The following NARS2 variants were observed in gnomAD, a reference collection of about 807,000 sequenced individuals.
NARS2 encodes asparaginyl-tRNA synthetase 2, mitochondrial.
Under a neutral mutation model 62.9 loss-of-function variants are expected in NARS2, and 60 were observed. The ratio of observed to expected loss-of-function variants is 0.95; its 90% CI spans 0.77 to 1.18. The LOEUF is 1.18. Ranked by LOEUF, NARS2 falls within the 50% of genes most tolerant of loss-of-function variation. The pLI, the probability that NARS2 is intolerant of heterozygous loss-of-function variation, is 0.00. For synonymous variants in NARS2, 196 were observed against 200.0 expected (o/e 0.98, Z 0.17); for missense variants, 619 against 576.4 (o/e 1.07, Z -0.76).
At chr11:78,479,286 A>G (rs889563196) in intron 7 of NARS2, among the ~76,000 whole-genome samples, 21 of 152,182 alleles carry the variant, frequency 1.4e-4, no homozygotes, top group African/African-American at 5.1e-4. Context: ...AAATCAGTAT[A>G]TAAGAACTTA....
chr11:78,574,276 G>A, intron 1 of NARS2, 72 bp downstream of exon 1: 1 of 1,594,508 alleles, frequency 6.3e-7, no homozygotes, highest in African/African-American at 1.3e-5. Flanking sequence ...GACTGTAAAA[G>A]AAAAGCTAGA....
intron 10 of NARS2, among the ~76,000 whole-genome samples, chr11:78,468,411 CTTTT>C (rs112260820): frequency 7.5e-6 from 1 of 132,504 alleles, no homozygotes. Context: ...TGTTGGTCAT[CTTTT>C]TTTTTTTTTT....
At chr11:78,533,901 A>ATGTG (rs1301826483) in intron 5 of NARS2, among the ~76,000 whole-genome samples, 2 of 152,180 alleles carry the variant, frequency 1.3e-5, no homozygotes, top group Non-Finnish European at 2.9e-5. Context: ...ATCATACAAT[A>ATGTG]TGTAGCCTTT....
chr11:78,502,619 T>C (rs191644912), intron 6 of NARS2, among the ~76,000 whole-genome samples: 1 of 152,332 alleles, frequency 6.6e-6, no homozygotes, highest in African/African-American at 2.4e-5. Context: ...GTTCTGGAAC[T>C]AGACAGTGAT....
In NARS2 at chr11:78,574,669, C is replaced by T. The variant is rs1421005615; in HGVS notation, c.-181G>A. ...GACTCCCAGCTCTGTCCCCACAGAACCTCTCCGCTTCCCACTTCCCAACGG... is the reference window on the plus strand; with the variant it reads ...GACTCCCAGCTCTGTCCCCACAGAATCTCTCCGCTTCCCACTTCCCAACGG... On this transcript the variant is annotated 5_prime_UTR_variant, in exon 1 of 14. Transcript: ENST00000281038. 4 of 638,918 alleles carry T rather than the reference C, an allele frequency of 6.3e-6. No individual in the cohort carries two copies. Among genetic ancestry groups the T allele is most frequent in the Non-Finnish European group, 1.0e-5 (4 of 381,044 alleles). The allele number at this position is 638,918 out of a possible 1,614,324, so 39.6% of individuals were successfully genotyped here. A position where few individuals can be genotyped will look rare whatever the true frequency, so the allele number is the denominator to read the frequency against.
At chr11:78,508,906 G>A (rs973131739) in intron 6 of NARS2, among the ~76,000 whole-genome samples, 17 of 151,996 alleles carry the variant, frequency 1.1e-4, no homozygotes, top group Non-Finnish European at 1.6e-4. Flanking sequence ...CTTGAGGCAC[G>A]GAGTTTGAGA....
At chr11:78,538,620 T>G (rs1274989790) in intron 5 of NARS2, among the ~76,000 whole-genome samples, 1 of 151,926 alleles carries the variant, frequency 6.6e-6, no homozygotes, top group Non-Finnish European at 1.5e-5. Flanking sequence ...GAGAGATCAG[T>G]ACGTGGGAAG....
At chr11:78,552,508 T>C (rs1186994953) in intron 5 of NARS2, among the ~76,000 whole-genome samples, 1 of 152,094 alleles carries the variant, frequency 6.6e-6, no homozygotes, top group African/African-American at 2.4e-5. Context: ...GGCCCCAAAA[T>C]CACTAAGCTA....
At chr11:78,450,077 T>C (rs1024842084) in intron 11 of NARS2, among the ~76,000 whole-genome samples, 1 of 152,248 alleles carries the variant, frequency 6.6e-6, no homozygotes, top group African/African-American at 2.4e-5. Context: ...GCAAGTCATA[T>C]GACTCAGGTC....
At chr11:78,498,124 G>A (rs546374378) in intron 6 of NARS2, among the ~76,000 whole-genome samples, 169 of 152,230 alleles carry the variant, frequency 1.1e-3, no homozygotes, top group African/African-American at 3.6e-3. Flanking sequence ...AGGTAGGAAG[G>A]AGCCTGACAT....
intron 6 of NARS2, among the ~76,000 whole-genome samples, chr11:78,518,867 A>T (rs1340202724): frequency 6.6e-6 from 1 of 152,202 alleles, no homozygotes; most frequent in Non-Finnish European, 1.5e-5. Flanking sequence ...GAGAGCAGAA[A>T]AAGATAAAAA....
intron 4 of NARS2, among the ~76,000 whole-genome samples, chr11:78,562,465 T>A (rs899062391): frequency 6.6e-6 from 1 of 152,110 alleles, no homozygotes; most frequent in Admixed American, 6.5e-5. Flanking sequence ...ACATAGTCAG[T>A]GGCAGGCTTT....
chr11:78,547,008 C>T (rs1020090575), intron 5 of NARS2, among the ~76,000 whole-genome samples: 5 of 152,170 alleles, frequency 3.3e-5, no homozygotes, highest in African/African-American at 9.7e-5. Context: ...TACGATTTCA[C>T]GTGTCAGCTT....
At chr11:78,510,919 C>T (rs1399809988) in intron 6 of NARS2, among the ~76,000 whole-genome samples, 4 of 152,058 alleles carry the variant, frequency 2.6e-5, no homozygotes, top group African/African-American at 9.7e-5. Flanking sequence ...AAATACCATA[C>T]GATTTCATTT....
At chr11:78,456,186 T>C (rs1461518832) in intron 11 of NARS2, among the ~76,000 whole-genome samples, 1 of 152,222 alleles carries the variant, frequency 6.6e-6, no homozygotes, top group Non-Finnish European at 1.5e-5. Context: ...TTACGTTCAC[T>C]TTTATCTCAG....
At chr11:78,456,077 T>C (rs151238218) in intron 11 of NARS2, among the ~76,000 whole-genome samples, 9 of 152,296 alleles carry the variant, frequency 5.9e-5, no homozygotes, top group Non-Finnish European at 1.0e-4. Context: ...AGTGAGACAA[T>C]ATAAATAATT....
intron 6 of NARS2, among the ~76,000 whole-genome samples, chr11:78,507,380 G>A (rs1860542102): frequency 6.6e-6 from 1 of 151,870 alleles, no homozygotes; most frequent in African/African-American, 2.4e-5. Flanking sequence ...GCTGAAGCCT[G>A]GCATAGAGAC....
At chr11:78,553,299 T>C (rs984094844) in intron 5 of NARS2, among the ~76,000 whole-genome samples, 1 of 152,066 alleles carries the variant, frequency 6.6e-6, no homozygotes, top group Non-Finnish European at 1.5e-5. Context: ...CCTTTTTTTT[T>C]CTTTTTTGAG....
chr11:78,574,277 A>G, intron 1 of NARS2, 71 bp downstream of exon 1: 1 of 1,595,866 alleles, frequency 6.3e-7, no homozygotes, highest in East Asian at 2.2e-5. Flanking sequence ...ACTGTAAAAG[A>G]AAAGCTAGAT....
Sources: allele counts gnomAD v4.1 joint callset (sites outside exome capture counted in the v4.1 genomes callset), GRCh38; gene constraint gnomAD v4.1.1; transcripts MANE v1.5; gene names NCBI Gene and HGNC (gene_info 2026-07-23, HGNC 2026-07-21).